Variants in OTC observed in about 807,000 individuals in gnomAD.
OTC encodes the protein ornithine transcarbamylase.
Under a neutral mutation model 30.3 loss-of-function variants are expected in OTC, and 3 were observed. The ratio of observed to expected loss-of-function variants is 0.10; its 90% CI spans 0.05 to 0.26. The LOEUF is 0.26. Ranked by LOEUF, OTC falls within the 10% of genes least tolerant of loss-of-function variation. The pLI is 1.00. For synonymous variants in OTC, 111 were observed against 99.7 expected (o/e 1.11, Z -0.67); for missense variants, 194 against 260.3 (o/e 0.75, Z 1.75).
At position 38,411,856 on chromosome X, in the gene OTC, C is replaced by T. The variant is rs1602034455; in HGVS notation, c.868-6C>T. 8.3e-7 allele frequency: 1 copy of T among 1,210,461 alleles called. No individual in the cohort carries two copies. The highest frequency in any genetic ancestry group is 1.1e-6 in the Non-Finnish European group (1 of 894,558). ...TCAAAAAGTGGTCTTATCCCCATCT[C>T]TTTAGACTGCTAAAGTTGCTGCCTC... On this transcript the variant is annotated splice_region_variant and splice_polypyrimidine_tract_variant and intron_variant, in intron 8 of 9. Transcript: ENST00000039007.
chrX:38,394,264 C>T lies in OTC; in HGVS notation c.387-7011C>T, dbSNP rs1016062525. 8.9e-5 allele frequency among the ~76,000 whole-genome samples: 10 copies of T among 112,300 alleles called. No homozygotes were observed. In the Admixed American group the frequency reaches 9.5e-4, roughly 11 times the overall value. On this transcript the variant is annotated intron_variant, in intron 4 of 9. Transcript: ENST00000039007. The stretch of plus-strand genomic sequence containing the variant: ...ATATATAATTTTATTGCCCGGTTTA[C>T]AACTAAATATATTGTGAACATTTTC...
At chrX:38,393,642 T>C (rs2068439901) in intron 4 of OTC, among the ~76,000 whole-genome samples, 1 of 112,365 alleles carries the variant, frequency 8.9e-6, no homozygotes, top group Non-Finnish European at 1.9e-5. Context: ...AAATTCAAGG[T>C]GACTTAAACT....
At chrX:38,369,151 G>A (rs2068311341) in intron 2 of OTC, among the ~76,000 whole-genome samples, 1 of 110,636 alleles carries the variant, frequency 9.0e-6, no homozygotes, top group Admixed American at 9.7e-5. Context: ...ACACCTTCGA[G>A]GTCATTGAAA....
chrX:38,367,854 A>AT (rs2068304614), intron 2 of OTC, among the ~76,000 whole-genome samples: 1 of 109,843 alleles, frequency 9.1e-6, no homozygotes, highest in Non-Finnish European at 1.9e-5. Flanking sequence ...AGTAGCTGGG[A>AT]TTACAGGTGC....
intron 9 of OTC, among the ~76,000 whole-genome samples, chrX:38,417,632 C>A (rs950769632): frequency 1.8e-5 from 2 of 111,809 alleles, no homozygotes; most frequent in African/African-American, 6.5e-5. Context: ...CCGGGCCTGG[C>A]ATGTGATAAC....
At chrX:38,401,175 CTATT>C in intron 4 of OTC, 96 bp from the exon 5 acceptor site, 1 of 654,630 alleles carries the variant, frequency 1.5e-6, no homozygotes. Flanking sequence ...AGTAAAAATT[CTATT>C]TATTAGTATT....
chrX:38,362,217 T>C (rs958872775), intron 1 of OTC, among the ~76,000 whole-genome samples: 2 of 111,845 alleles, frequency 1.8e-5, no homozygotes, highest in African/African-American at 6.5e-5. Flanking sequence ...CTGTGCAACA[T>C]AGTGCCTATA....
At chrX:38,343,256 G>T in the OTC span, among the ~76,000 whole-genome samples, 1 of 111,917 alleles carries the variant, frequency 8.9e-6, no homozygotes, top group African/African-American at 3.2e-5. Flanking sequence ...TAGTCACAGG[G>T]AGCATTAGGG....
chrX:38,417,936 T>C (rs2068577430), intron 9 of OTC, among the ~76,000 whole-genome samples: 1 of 112,369 alleles, frequency 8.9e-6, no homozygotes, highest in Non-Finnish European at 1.9e-5. Flanking sequence ...TAAATAATGC[T>C]GCAGTGAACA....
intron 1 of OTC, among the ~76,000 whole-genome samples, chrX:38,362,244 C>T (rs1569272311): frequency 2.7e-5 from 3 of 111,458 alleles, no homozygotes; most frequent in South Asian, 3.8e-4. Context: ...AATATGGTGT[C>T]GTGCAGTTCA....
At chrX:38,335,727 C>T in the OTC span, among the ~76,000 whole-genome samples, 13 of 112,538 alleles carry the variant, frequency 1.2e-4, no homozygotes, top group African/African-American at 3.2e-4. Context: ...ACAGAAGCTC[C>T]CTTTTACATC....
At chrX:38,348,813 A>G (rs2068201570), upstream of OTC, among the ~76,000 whole-genome samples, 1 of 111,605 alleles carries the variant, frequency 9.0e-6, no homozygotes, top group Non-Finnish European at 1.9e-5. Context: ...CAGTGATGTC[A>G]CATTAGTAGC....
downstream of OTC, among the ~76,000 whole-genome samples, chrX:38,422,085 G>T (rs1397128034): frequency 8.9e-6 from 1 of 111,827 alleles, no homozygotes; most frequent in Non-Finnish European, 1.9e-5. Context: ...CATAAGTGAA[G>T]TTTTTTTAAA....
chrX:38,344,591 T>C, the OTC span, among the ~76,000 whole-genome samples: 1 of 111,076 alleles, frequency 9.0e-6, no homozygotes, highest in African/African-American at 3.3e-5. Flanking sequence ...TCACAGTGGA[T>C]CACAGATCTG....
At chrX:38,343,653 G>A in the OTC span, among the ~76,000 whole-genome samples, 2 of 112,304 alleles carry the variant, frequency 1.8e-5, no homozygotes, top group African/African-American at 6.5e-5. Context: ...TGAGACTTTT[G>A]TCCATATCTA....
intron 3 of OTC, among the ~76,000 whole-genome samples, chrX:38,375,766 T>A (rs2068344473): frequency 9.0e-6 from 1 of 111,460 alleles, no homozygotes; most frequent in Non-Finnish European, 1.9e-5. Flanking sequence ...GGGAGTGAAA[T>A]CTGGCCTAGA....
At chrX:38,346,575 GATAA>G in the OTC span, among the ~76,000 whole-genome samples, 3 of 112,356 alleles carry the variant, frequency 2.7e-5, no homozygotes, top group South Asian at 3.6e-4. Flanking sequence ...TGGGGGAATG[GATAA>G]ATAAACTGTG....
chrX:38,340,960 C>G, the OTC span, among the ~76,000 whole-genome samples: 1 of 110,555 alleles, frequency 9.0e-6, no homozygotes, highest in Non-Finnish European at 1.9e-5. Context: ...CCATGCCCCA[C>G]TAATTTTTTG....
intron 3 of OTC, among the ~76,000 whole-genome samples, chrX:38,373,094 A>C (rs1209231282): frequency 8.9e-6 from 1 of 112,217 alleles, no homozygotes; most frequent in Non-Finnish European, 1.9e-5. Context: ...AAGCGTATAG[A>C]TCGATGAATT....
Sources: gnomAD v4.1 joint callset for allele counts (sites outside exome capture counted in the v4.1 genomes callset) on GRCh38, gnomAD v4.1.1 for gene constraint, MANE v1.5 for transcripts, NCBI Gene and HGNC (gene_info 2026-07-23, HGNC 2026-07-21) for gene names.